Variants in DYNC1H1 observed in about 807,000 individuals in gnomAD.
The protein encoded by DYNC1H1 is cytoplasmic dynein 1 heavy chain 1.
DYNC1H1 carries 51 observed loss-of-function variants against 527.1 expected under a neutral mutation model. The observed-to-expected ratio is 0.10, with a 90% CI of 0.08 to 0.12. DYNC1H1 has a LOEUF of 0.12. Among genes scored for constraint, DYNC1H1 ranks in the 10% least tolerant of loss-of-function variants. DYNC1H1 has a pLI of 1.00. For synonymous variants in DYNC1H1, 2,189 were observed against 2,278.8 expected, an observed-to-expected ratio of 0.96 and a Z score of 1.12; for missense variants, 2,771 against 5,971.8, an observed-to-expected ratio of 0.46 and a Z score of 17.66.
At chr14:102,040,213 C>G (rs1359334069) in intron 62 of DYNC1H1, 23 bp from the exon 63 acceptor site, 2 of 1,613,994 alleles carry the variant, frequency 1.2e-6, no homozygotes, top group Non-Finnish European at 8.5e-7. Flanking sequence ...GAGACCCTAG[C>G]TAACCTGTTG....
chr14:102,010,140 C>T lies in DYNC1H1; in HGVS notation c.6221+54C>T. The T allele has an allele frequency of 2.5e-6, 4 of 1,612,350 alleles. No individual in the cohort carries two copies. In the South Asian group the frequency reaches 3.3e-5, roughly 13 times the overall value. On this transcript the variant is annotated intron_variant, in intron 30 of 77. Transcript: ENST00000360184. This position sits in a 1 kb window ranked among gnomAD's most constrained non-coding sequence, Gnocchi z 6.0. Reference sequence around the variant, plus strand: ...TGTTTCTTGCATATGTTAAATGTGTCCATTTAACCTTAAAATTTTTATATG... The same window carrying T: ...TGTTTCTTGCATATGTTAAATGTGTTCATTTAACCTTAAAATTTTTATATG...
At position 102,016,178 on chromosome 14, in the gene DYNC1H1, GCT is replaced by G; in HGVS notation, c.7473+98_7473+99del. ...AAATGCTGCACCTGTGGGGATGTGC[GCT>G]CTCTCCTAGGCGAGGCAGAGCCTTC... is the stretch of plus-strand genomic sequence containing the variant. On this transcript the variant is annotated intron_variant, in intron 36 of 77. Coordinates refer to ENST00000360184, the MANE Select transcript of DYNC1H1 (RefSeq NM_001376.5). The surrounding 1 kb of genome is among the most constrained non-coding windows in gnomAD (Gnocchi z 7.3). The G allele has an allele frequency of 1.3e-6, 2 of 1,517,842 alleles. No homozygotes were observed. The highest frequency in any genetic ancestry group is 2.4e-5 in the East Asian group (1 of 40,820). 94.0% of individuals were successfully genotyped at this position (1,517,842 alleles called of 1,614,324 possible).
chr14:102,036,221 C>T lies in DYNC1H1; in HGVS notation c.10755-268C>T, dbSNP rs1186160133. 2.3e-6 allele frequency: 1 copy of T among 428,528 alleles called. No homozygotes were observed. Among genetic ancestry groups the T allele is most frequent in the Non-Finnish European group, 4.4e-6 (1 of 228,442 alleles). The allele number at this position is 428,528 out of a possible 1,614,324, so 26.5% of individuals were successfully genotyped here. A position where few individuals can be genotyped will look rare whatever the true frequency, so the allele number is the denominator to read the frequency against. ...TGCAGGATGCTGAGAGGATGATTGT[C>T]CCAGAAGGAAAAAGATTTTTAACTA... On this transcript the variant is annotated intron_variant, in intron 56 of 77. Transcript: ENST00000360184. The surrounding 1 kb of genome is among the most constrained non-coding windows in gnomAD (Gnocchi z 5.6).
intron 5 of DYNC1H1, 147 bp from the exon 6 acceptor site, chr14:101,982,872 A>G: frequency 1.0e-6 from 1 of 972,480 alleles, no homozygotes; most frequent in Non-Finnish European, 1.5e-6. Context: ...TATCCTGTTA[A>G]TAACGTGTTG....
intron 74 of DYNC1H1, 153 bp downstream of exon 74, chr14:102,048,822 G>C: frequency 2.9e-6 from 1 of 346,590 alleles, no homozygotes; most frequent in Non-Finnish European, 5.7e-6. Context: ...AGGTGGGCGG[G>C]GGGAGGGGAG....
chr14:101,981,599 C>T (rs2047864937), intron 5 of DYNC1H1, among the ~76,000 whole-genome samples: 1 of 152,202 alleles, frequency 6.6e-6, no homozygotes, highest in Admixed American at 6.5e-5. Context: ...TTGTCATGTT[C>T]TCACTTCCCC....
intron 28 of DYNC1H1, among the ~76,000 whole-genome samples, chr14:102,007,701 C>T (rs1278108815): frequency 6.6e-6 from 1 of 152,164 alleles, no homozygotes; most frequent in Non-Finnish European, 1.5e-5. Context: ...AGCAGATTGT[C>T]AGAGTCAGGG....
In DYNC1H1 at chr14:102,039,274, A is replaced by G. The variant is rs2152595035; in HGVS notation, c.11460+20A>G. The G allele has an allele frequency of 6.2e-7, 1 of 1,612,880 alleles. No individual in the cohort carries two copies. The highest frequency in any genetic ancestry group is 8.5e-7 in the Non-Finnish European group (1 of 1,180,020). On this transcript the variant is annotated intron_variant, in intron 60 of 77. Coordinates refer to ENST00000360184, the MANE Select transcript of DYNC1H1 (RefSeq NM_001376.5). The surrounding 1 kb of genome is among the most constrained non-coding windows in gnomAD (Gnocchi z 7.0). Reference sequence around the variant, plus strand: ...AAGCAGGTGGGTGCCTTGGCCATGCAGAGACTGGCGGGCCCCGCACAGTAG... The same window carrying G: ...AAGCAGGTGGGTGCCTTGGCCATGCGGAGACTGGCGGGCCCCGCACAGTAG...
At position 101,964,882 on chromosome 14, in the gene DYNC1H1, A is replaced by G. The variant is rs2047646498; in HGVS notation, c.191A>G (p.Gln64Arg). The change falls in exon 1 of 78, where the codon CAG becomes CGG. Residue 64 changes from glutamine (Q) to arginine (R), a missense_variant. Physicochemically the swap from Gln to Arg is conservative, Grantham distance 43. Transcript: ENST00000360184. The surrounding 1 kb of genome is among the most constrained non-coding windows in gnomAD (Gnocchi z 5.5). ...AALEEKSALE[Q>R]MRKFLSDPQV... ...CTGGAGGAGAAGAGCGCCCTGGAGC[A>G]GATGCGCAAGTTCCTTTCGGACCCG... is the stretch of plus-strand genomic sequence containing the variant. The G allele has an allele frequency of 6.3e-7, 1 of 1,599,838 alleles. No homozygotes were observed. Among genetic ancestry groups the G allele is most frequent in the Non-Finnish European group, 8.5e-7 (1 of 1,174,294 alleles).
rs1461141732 is a variant in DYNC1H1 at position 102,053,996 on chromosome 14, C to T, written c.*3433C>T. On this transcript the variant is annotated 3_prime_UTR_variant, in exon 78 of 78. Coordinates refer to ENST00000360184, the MANE Select transcript of DYNC1H1 (RefSeq NM_001376.5). ...TCAAGCAATCCACCCACCTCAACCT[C>T]CCAAAGTGCTGGGATTACAGGCATG... The T allele has an allele frequency of 3.3e-5, 5 of 152,458 alleles. No homozygotes were observed. In the East Asian group the frequency reaches 9.6e-4, roughly 29 times the overall value. The allele number at this position is 152,458 out of a possible 1,614,324, so 9.4% of individuals were successfully genotyped here. A position where few individuals can be genotyped will look rare whatever the true frequency, so the allele number is the denominator to read the frequency against.
intron 16 of DYNC1H1, among the ~76,000 whole-genome samples, chr14:101,998,272 A>G (rs530242414): frequency 4.7e-4 from 66 of 139,364 alleles, no homozygotes; most frequent in East Asian, 3.9e-3. Flanking sequence ...CCCTCTATAA[A>G]CGCTGATCCG....
chr14:102,034,266 TG>T, intron 55 of DYNC1H1, 58 bp from the exon 56 acceptor site: 1 of 1,613,812 alleles, frequency 6.2e-7, no homozygotes, highest in East Asian at 2.2e-5. Flanking sequence ...GTTAGAGTCT[TG>T]AGAACAGTCC....
intron 2 of DYNC1H1, among the ~76,000 whole-genome samples, chr14:101,978,333 G>A (rs200874224): frequency 1.8e-3 from 276 of 152,186 alleles, no homozygotes; most frequent in African/African-American, 6.3e-3. Flanking sequence ...TACTGTGCCC[G>A]GCCTAATTTT....
chr14:101,992,573 G>A (rs1309505442), intron 11 of DYNC1H1, among the ~76,000 whole-genome samples: 1 of 152,072 alleles, frequency 6.6e-6, no homozygotes, highest in South Asian at 2.1e-4. Context: ...CCTCACTCTC[G>A]TTTAGCTGTT....
rs2048820023 is a variant in DYNC1H1, at chr14:102,052,137, ATG to A, written c.*1576_*1577del. ...GTCACCGAGTTGAGCCCCTAAACAC[ATG>A]TTTTTCTTTTTAGAGACAGGGTCTC... On this transcript the variant is annotated 3_prime_UTR_variant, in exon 78 of 78. Transcript: ENST00000360184. The A allele has an allele frequency of 1.3e-5, 2 of 149,776 alleles. No homozygotes were observed. Among genetic ancestry groups the A allele is most frequent in the South Asian group, 4.2e-4 (2 of 4,716 alleles). The allele number at this position is 149,776 out of a possible 1,614,324, so 9.3% of individuals were successfully genotyped here. A position where few individuals can be genotyped will look rare whatever the true frequency, so the allele number is the denominator to read the frequency against.
intron 15 of DYNC1H1, among the ~76,000 whole-genome samples, chr14:101,996,122 TTTC>T (rs1289248103): frequency 1.3e-5 from 2 of 151,704 alleles, no homozygotes; most frequent in Non-Finnish European, 2.9e-5. Flanking sequence ...AGGTTTTTCT[TTTC>T]TTTTCTTTTC....
rs970859272 is a variant in DYNC1H1, at chr14:102,010,981, C to A, written c.6618+29C>A. ...ACTTGGATTGTTTCACTGGCCACTG[C>A]CCTCACAGACCCTGCTGGCTTTAGT... On this transcript the variant is annotated intron_variant, in intron 32 of 77. Transcript: ENST00000360184. The surrounding 1 kb of genome is among the most constrained non-coding windows in gnomAD (Gnocchi z 6.0). The A allele has an allele frequency of 6.2e-7, 1 of 1,610,474 alleles. No homozygotes were observed. The highest frequency in any genetic ancestry group is 1.3e-5 in the African/African-American group (1 of 74,866).
Position 102,029,362 on chromosome 14 carries a change from G to A in DYNC1H1, c.9469-177G>A, listed in dbSNP as rs1169391204. The A allele has an allele frequency of 1.4e-6, 1 of 720,154 alleles. No individual in the cohort carries two copies. The highest frequency in any genetic ancestry group is 2.7e-5 in the East Asian group (1 of 36,906). The allele number at this position is 720,154 out of a possible 1,614,324, so 44.6% of individuals were successfully genotyped here. A position where few individuals can be genotyped will look rare whatever the true frequency, so the allele number is the denominator to read the frequency against. On this transcript the variant is annotated intron_variant, in intron 48 of 77. Coordinates refer to ENST00000360184, the MANE Select transcript of DYNC1H1 (RefSeq NM_001376.5). The surrounding 1 kb of genome is among the most constrained non-coding windows in gnomAD (Gnocchi z 5.3). ...AAAGGGCTTAGAGAGGTTTGGAAGTGTAAGGGGTATCTCGAAAGCTCTAAG... is the reference window on the plus strand; with the variant it reads ...AAAGGGCTTAGAGAGGTTTGGAAGTATAAGGGGTATCTCGAAAGCTCTAAG...
At chr14:102,046,162 T>G (rs1194208955) in intron 72 of DYNC1H1, among the ~76,000 whole-genome samples, 1 of 149,636 alleles carries the variant, frequency 6.7e-6, no homozygotes, top group African/African-American at 2.5e-5. Context: ...AGCAAGACTT[T>G]GTCTCAAAAA....
Sources: allele counts gnomAD v4.1 joint callset (sites outside exome capture counted in the v4.1 genomes callset), GRCh38; gene constraint gnomAD v4.1.1; non-coding constraint Gnocchi (gnomAD v3.1); transcripts MANE v1.5; gene names NCBI Gene and HGNC (gene_info 2026-07-23, HGNC 2026-07-21).